The following VDR variants were observed in gnomAD, a reference collection of about 807,000 sequenced individuals.
The protein encoded by VDR is vitamin D receptor.
VDR carries 19 observed loss-of-function variants against 39.7 expected under a neutral mutation model. That is an observed-to-expected ratio of 0.48 (90% CI 0.33 to 0.70). VDR has a LOEUF of 0.70. VDR is among the 30% of genes least tolerant of loss of function. The pLI, the probability that VDR is intolerant of heterozygous loss-of-function variation, is 0.02. For synonymous variants in VDR, 242 were observed against 215.8 expected, an observed-to-expected ratio of 1.12 and a Z score of -1.07; for missense variants, 442 against 570.5, an observed-to-expected ratio of 0.77 and a Z score of 2.29.
At chr12:47,883,095 G>T (rs1274897939) in intron 1 of VDR, among the ~76,000 whole-genome samples, 1 of 152,186 alleles carries the variant, frequency 6.6e-6, no homozygotes, top group Non-Finnish European at 1.5e-5. Flanking sequence ...ACAGCCCAGG[G>T]TGTCAGGAGG....
intron 4 of VDR, among the ~76,000 whole-genome samples, chr12:47,858,033 G>A (rs1191084167): frequency 6.6e-6 from 1 of 152,016 alleles, no homozygotes; most frequent in African/African-American, 2.4e-5. Context: ...GACCATGTAA[G>A]TTCTTCCAAG....
intron 1 of VDR, among the ~76,000 whole-genome samples, chr12:47,891,214 C>T (rs901353673): frequency 3.3e-5 from 5 of 152,154 alleles, no homozygotes; most frequent in Middle Eastern, 6.3e-3. Context: ...TTCAGATGCC[C>T]CCAGAGCCCA....
intron 3 of VDR, among the ~76,000 whole-genome samples, chr12:47,870,507 A>G (rs1945829282): frequency 6.6e-6 from 1 of 152,196 alleles, no homozygotes; most frequent in South Asian, 2.1e-4. Context: ...CAAGCTAAAT[A>G]TAGATGCAGT....
In VDR at chr12:47,899,637, G is replaced by A. The variant is rs572286678; in HGVS notation, c.-84+5318C>T. Among the ~76,000 whole-genome samples the A allele has an allele frequency of 7.3e-4, 111 of 152,368 alleles. 2 individuals carry two copies. The South Asian group carries it at 0.011, about 16-fold the overall frequency. ...CAAGGAACCCTGAGACCCACAGGGGGTGGGGCAGGCTGAGCATTTTCTCTT... is the reference window on the plus strand; with the variant it reads ...CAAGGAACCCTGAGACCCACAGGGGATGGGGCAGGCTGAGCATTTTCTCTT... On this transcript the variant is annotated intron_variant, in intron 1 of 9. Transcript: ENST00000549336.
chr12:47,859,445 A>G lies in VDR; in HGVS notation c.278-1757T>C, dbSNP rs11574076. Among the ~76,000 whole-genome samples the G allele has an allele frequency of 1.6e-3, 243 of 152,292 alleles. No homozygotes were observed. The Middle Eastern group carries it at 0.017, about 11-fold the overall frequency. On this transcript the variant is annotated intron_variant, in intron 4 of 9. Transcript: ENST00000549336. ...CTGGCATTGCTGCTGGCCTGGGAAC[A>G]TGACCTGCTCATGCTCGCCCCTGCA... is the stretch of plus-strand genomic sequence containing the variant.
intron 3 of VDR, among the ~76,000 whole-genome samples, chr12:47,877,338 C>T (rs1946028722): frequency 6.6e-6 from 1 of 152,178 alleles, no homozygotes; most frequent in Non-Finnish European, 1.5e-5. Context: ...GGTGACCCAT[C>T]AGGCTCAAAA....
chr12:47,856,958 C>G (rs1026821238), intron 6 of VDR, among the ~76,000 whole-genome samples, 171 bp downstream of exon 6: 1 of 152,232 alleles, frequency 6.6e-6, no homozygotes, highest in African/African-American at 2.4e-5. Context: ...GGGTAAGTCA[C>G]CCCTTTCTGT....
intron 2 of VDR, among the ~76,000 whole-genome samples, chr12:47,879,922 A>G (rs1440565789): frequency 6.6e-6 from 1 of 152,202 alleles, no homozygotes. Context: ...GAGAAGAGAC[A>G]GACGGAACGA....
At chr12:47,876,020 AT>A (rs1945993292) in intron 3 of VDR, among the ~76,000 whole-genome samples, 1 of 152,206 alleles carries the variant, frequency 6.6e-6, no homozygotes, top group South Asian at 2.1e-4. Flanking sequence ...ACCAATAAAA[AT>A]CAAAAAAAGG....
At chr12:47,890,634 A>G (rs1027081532) in intron 1 of VDR, among the ~76,000 whole-genome samples, 1 of 151,978 alleles carries the variant, frequency 6.6e-6, no homozygotes, top group Non-Finnish European at 1.5e-5. Context: ...TCCTCCCCAC[A>G]AGTCCTTACT....
intron 1 of VDR, among the ~76,000 whole-genome samples, chr12:47,886,000 G>A (rs913497328): frequency 1.3e-5 from 2 of 152,182 alleles, no homozygotes; most frequent in Non-Finnish European, 2.9e-5. Context: ...GCCCCTAATC[G>A]ACCCCAGGAG....
At chr12:47,859,850 CT>C (rs1565614958) in intron 4 of VDR, among the ~76,000 whole-genome samples, 2 of 63,038 alleles carry the variant, frequency 3.2e-5, no homozygotes, top group African/African-American at 1.5e-4. Context: ...CCCTTCCTTC[CT>C]TCCTTCCTTC....
chr12:47,871,316 T>TTCTTTCTTTCTTTCTA (rs1945863955), intron 3 of VDR, among the ~76,000 whole-genome samples: 1 of 139,748 alleles, frequency 7.2e-6, no homozygotes, highest in Non-Finnish European at 1.5e-5. Context: ...CTTTCTTTCT[T>TTCTTTCTTTCTTTCTA]TCTTTCTTTC....
At chr12:47,881,422 A>G (rs1946148189) in intron 2 of VDR, among the ~76,000 whole-genome samples, 1 of 152,186 alleles carries the variant, frequency 6.6e-6, no homozygotes, top group African/African-American at 2.4e-5. Context: ...TTCATACTCA[A>G]AACCTCAGTA....
chr12:47,871,727 A>C (rs922434187), intron 3 of VDR, among the ~76,000 whole-genome samples: 1 of 152,208 alleles, frequency 6.6e-6, no homozygotes, highest in Admixed American at 6.5e-5. Context: ...GGCCTCCCAA[A>C]GTGCTGGGAT....
At chr12:47,862,687 T>C (rs1479045113) in intron 4 of VDR, among the ~76,000 whole-genome samples, 15 of 152,202 alleles carry the variant, frequency 9.9e-5, no homozygotes, top group Admixed American at 9.8e-4. Context: ...CCTGTGGTTT[T>C]ACAAATATTG....
Position 47,844,566 on chromosome 12 carries a change from C to G in VDR, c.*180G>C. 1 of 827,644 alleles carries G rather than the reference C, an allele frequency of 1.2e-6. No individual in the cohort carries two copies. Among genetic ancestry groups the G allele is most frequent in the South Asian group, 1.8e-5 (1 of 56,668 alleles). The allele number at this position is 827,644 out of a possible 1,614,324, so 51.3% of individuals were successfully genotyped here. ...GGTCTCAAGGGACCGGGGAAAAGCC[C>G]GCAGGAAAGGGGTTAGGTTGGACAG... On this transcript the variant is annotated 3_prime_UTR_variant, in exon 10 of 10. Transcript: ENST00000549336.
chr12:47,887,767 C>T (rs1946285424), intron 1 of VDR, among the ~76,000 whole-genome samples: 1 of 152,228 alleles, frequency 6.6e-6, no homozygotes. Context: ...GGCTGGGCCC[C>T]AGCAACGCAG....
intron 8 of VDR, 41 bp from the exon 9 acceptor site, chr12:47,846,492 G>C (rs1381564813): frequency 5.8e-6 from 9 of 1,554,622 alleles, no homozygotes; most frequent in Non-Finnish European, 7.0e-6. Context: ...CAGAGCTGAG[G>C]AGCCGCCCAC....
Sources: allele counts gnomAD v4.1 joint callset (sites outside exome capture counted in the v4.1 genomes callset), GRCh38; gene constraint gnomAD v4.1.1; transcripts MANE v1.5; gene names NCBI Gene and HGNC (gene_info 2026-07-23, HGNC 2026-07-21).